The following CDH18 variants were observed in gnomAD, a reference collection of about 807,000 sequenced individuals.
CDH18 encodes cadherin-18.
A neutral mutation model predicts 67.9 loss-of-function variants in CDH18; 31 were observed. The ratio of observed to expected loss-of-function variants is 0.46; its 90% CI spans 0.34 to 0.62. The LOEUF (loss-of-function observed/expected upper bound fraction) is 0.62, where lower values mean the gene tolerates loss of function less well. CDH18 is among the 20% of genes least tolerant of loss of function. The pLI, the probability that CDH18 is intolerant of heterozygous loss-of-function variation, is 0.01. For synonymous variants in CDH18, 362 were observed against 347.2 expected (o/e 1.04, Z -0.48); for missense variants, 890 against 975.5 (o/e 0.91, Z 1.17).
At position 19,670,528 on chromosome 5, in the gene CDH18, T is replaced by C. The variant is rs114055692; in HGVS notation, c.643+50819A>G. ...GTTTATCTCTAAGGATTGGAGAATA[T>C]TGAAGAATTGTTTAAGTAGCTGTAT... On this transcript the variant is annotated intron_variant, in intron 5 of 12. Coordinates refer to ENST00000382275, the MANE Select transcript of CDH18 (RefSeq NM_004934.5). Among the ~76,000 whole-genome samples, 263 of 152,252 alleles carry C rather than the reference T, an allele frequency of 1.7e-3. 1 individual carries two copies. The highest frequency in any genetic ancestry group is 6.1e-3 in the African/African-American group (252 of 41,562).
intron 1 of CDH18, among the ~76,000 whole-genome samples, chr5:20,531,673 A>G (rs1619096): frequency 0.72 from 108,864 of 151,708 alleles, 39,388 homozygotes; most frequent in East Asian, 0.98. Flanking sequence ...TCACTTATAA[A>G]TGGAAGCTGA....
intron 8 of CDH18, among the ~76,000 whole-genome samples, chr5:19,555,217 A>G (rs2127169986): frequency 6.6e-6 from 1 of 152,264 alleles, no homozygotes; most frequent in Non-Finnish European, 1.5e-5. Context: ...CCACACTGTG[A>G]ACTTTTGCTC....
At chr5:20,515,525 G>T (rs989235391) in intron 1 of CDH18, among the ~76,000 whole-genome samples, 1 of 151,676 alleles carries the variant, frequency 6.6e-6, no homozygotes, top group Non-Finnish European at 1.5e-5. Flanking sequence ...ACCTAGATAC[G>T]CATTTGTCTG....
At chr5:20,407,680 C>T (rs1746402265) in intron 1 of CDH18, among the ~76,000 whole-genome samples, 1 of 150,730 alleles carries the variant, frequency 6.6e-6, no homozygotes, top group African/African-American at 2.4e-5. Flanking sequence ...AGCTTAAATG[C>T]AGGTTGCTTT....
chr5:20,218,028 A>G (rs904145628), intron 2 of CDH18, among the ~76,000 whole-genome samples: 4 of 151,946 alleles, frequency 2.6e-5, no homozygotes, highest in Non-Finnish European at 4.4e-5. Context: ...TGCAAAGCAA[A>G]TATTGTTAAA....
intron 1 of CDH18, among the ~76,000 whole-genome samples, chr5:20,436,564 G>A (rs1257770967): frequency 6.6e-6 from 1 of 151,512 alleles, no homozygotes; most frequent in East Asian, 1.9e-4. Context: ...AAATATGTCA[G>A]AGGTAAAAGA....
At position 20,106,187 on chromosome 5, in the gene CDH18, G is replaced by C. The variant is rs111875289; in HGVS notation, c.-517-114173C>G. On this transcript the variant is annotated intron_variant, in intron 2 of 14. Transcript: ENST00000507958. ...TTTGCTCTGCTTCCTCCAACTCTAC[G>C]AGTTTCATAATGGACCTACCTCCAC... Among the ~76,000 whole-genome samples the C allele has an allele frequency of 2.2e-3, 334 of 152,150 alleles. 1 individual carries two copies. Among genetic ancestry groups the C allele is most frequent in the African/African-American group, 7.5e-3 (313 of 41,518 alleles).
At chr5:20,123,610 G>C (rs1217864486) in intron 2 of CDH18, among the ~76,000 whole-genome samples, 1 of 152,116 alleles carries the variant, frequency 6.6e-6, no homozygotes, top group Admixed American at 6.5e-5. Context: ...TCGGCCCGGC[G>C]CGGTGGCTCA....
intron 2 of CDH18, chr5:19,848,071 C>T (rs1783203435): frequency 6.6e-6 from 1 of 152,070 alleles, no homozygotes; most frequent in African/African-American, 2.4e-5. Flanking sequence ...TCTCTTTATC[C>T]CTTGAGGCAG....
chr5:19,643,143 A>AT (rs1754260972), intron 5 of CDH18, among the ~76,000 whole-genome samples: 1 of 152,128 alleles, frequency 6.6e-6, no homozygotes, highest in Admixed American at 6.5e-5. Flanking sequence ...ATATTACTTT[A>AT]GCCCTCTTAG....
At chr5:20,485,904 A>G (rs1753140420) in intron 1 of CDH18, among the ~76,000 whole-genome samples, 1 of 152,198 alleles carries the variant, frequency 6.6e-6, no homozygotes, top group African/African-American at 2.4e-5. Context: ...GAAGTTGGGT[A>G]TATTGTAAAC....
chr5:20,228,907 AG>A (rs1741847379), intron 2 of CDH18, among the ~76,000 whole-genome samples: 1 of 152,102 alleles, frequency 6.6e-6, no homozygotes, highest in Non-Finnish European at 1.5e-5. Context: ...AATGGACATC[AG>A]TCTTTTGTGT....
intron 1 of CDH18, among the ~76,000 whole-genome samples, chr5:20,261,420 A>T (rs1371671918): frequency 1.3e-5 from 2 of 151,982 alleles, no homozygotes; most frequent in Admixed American, 6.5e-5. Context: ...TGAAATGTAG[A>T]AATTAACAAT....
intron 2 of CDH18, among the ~76,000 whole-genome samples, chr5:20,225,960 G>C (rs773579367): frequency 6.6e-5 from 10 of 151,996 alleles, no homozygotes; most frequent in Non-Finnish European, 1.3e-4. Context: ...CAGGAAGACG[G>C]GCAGTGCCAG....
At chr5:19,867,356 A>T (rs1785667257) in intron 2 of CDH18, among the ~76,000 whole-genome samples, 2 of 152,190 alleles carry the variant, frequency 1.3e-5, no homozygotes, top group Admixed American at 1.3e-4. Flanking sequence ...ATCAAATGGA[A>T]TTAGATATAC....
intron 1 of CDH18, among the ~76,000 whole-genome samples, chr5:20,355,418 G>A (rs1030338037): frequency 6.6e-6 from 1 of 152,058 alleles, no homozygotes; most frequent in Admixed American, 6.5e-5. Context: ...ATTAAACATA[G>A]CCTATAGCTA....
intron 2 of CDH18, among the ~76,000 whole-genome samples, chr5:20,079,579 T>C (rs1744267107): frequency 6.6e-6 from 1 of 152,166 alleles, no homozygotes; most frequent in Admixed American, 6.5e-5. Context: ...ATATTCAGTA[T>C]AGGGTTGCTG....
intron 4 of CDH18, among the ~76,000 whole-genome samples, chr5:19,740,916 A>G (rs1581142464): frequency 2.0e-5 from 3 of 152,234 alleles, no homozygotes; most frequent in Middle Eastern, 6.8e-3. Context: ...CAAGACTGAC[A>G]TGATAATGTA....
intron 2 of CDH18, among the ~76,000 whole-genome samples, chr5:19,889,655 T>C (rs181988130): frequency 5.7e-4 from 87 of 152,180 alleles, no homozygotes; most frequent in Admixed American, 2.3e-3. Flanking sequence ...GGGTTTTCCT[T>C]AAGGGAAGGT....
Sources: gnomAD v4.1 joint callset for allele counts (sites outside exome capture counted in the v4.1 genomes callset) on GRCh38, gnomAD v4.1.1 for gene constraint, MANE v1.5 for transcripts, NCBI Gene and HGNC (gene_info 2026-07-23, HGNC 2026-07-21) for gene names.